Variants in TGFBR3 observed in about 807,000 individuals in gnomAD.
TGFBR3 encodes transforming growth factor beta receptor 3.
A neutral mutation model predicts 87.9 loss-of-function variants in TGFBR3; 46 were observed. The observed-to-expected ratio is 0.52, with a 90% CI of 0.41 to 0.67. TGFBR3 has a LOEUF of 0.67. Ranked by LOEUF, TGFBR3 falls within the 30% of genes least tolerant of loss-of-function variation. The pLI is 0.00. For missense variants in TGFBR3, 866 were observed against 1,041.9 expected (o/e 0.83, Z 2.32); for synonymous variants, 381 against 391.6 (o/e 0.97, Z 0.32).
At chr1:91,729,778 C>A (rs1223901074) in intron 6 of TGFBR3, 27 bp downstream of exon 6, 2 of 1,613,578 alleles carry the variant, frequency 1.2e-6, no homozygotes, top group African/African-American at 2.7e-5. Context: ...CATCTCTTGT[C>A]ACACTCACAC....
intron 7 of TGFBR3, among the ~76,000 whole-genome samples, chr1:91,725,202 A>G (rs550889484): frequency 6.6e-6 from 1 of 152,248 alleles, no homozygotes; most frequent in East Asian, 1.9e-4. Context: ...CCATTTTGCC[A>G]TCTGGAGGAC....
In TGFBR3 at chr1:91,683,339, T is replaced by G; in HGVS notation, c.*400A>C. The G allele has an allele frequency of 4.2e-6, 2 of 473,344 alleles. No individual in the cohort carries two copies. 29.3% of individuals were successfully genotyped at this position (473,344 alleles called of 1,614,324 possible). ...CCGCATCTCCTCACTGGTTCTACTATCTGGCTATTAACCCTTTACCAACTC... is the reference window on the plus strand; with the variant it reads ...CCGCATCTCCTCACTGGTTCTACTAGCTGGCTATTAACCCTTTACCAACTC... On this transcript the variant is annotated 3_prime_UTR_variant, in exon 17 of 17. Transcript: ENST00000212355.
intron 2 of TGFBR3, among the ~76,000 whole-genome samples, chr1:91,846,951 T>C (rs1353681497): frequency 1.3e-5 from 2 of 152,100 alleles, no homozygotes; most frequent in Non-Finnish European, 2.9e-5. Context: ...AGAAAAAATA[T>C]TGTTACATTC....
At chr1:91,868,080 G>A (rs1028165943) in intron 1 of TGFBR3, among the ~76,000 whole-genome samples, 6 of 152,130 alleles carry the variant, frequency 3.9e-5, no homozygotes, top group South Asian at 2.1e-4. Flanking sequence ...ACCACGCCTG[G>A]CTAATTTTTG....
At chr1:91,812,928 C>T in intron 2 of TGFBR3, among the ~76,000 whole-genome samples, 1 of 152,066 alleles carries the variant, frequency 6.6e-6, no homozygotes, top group East Asian at 1.9e-4. Context: ...TATAGTTTTG[C>T]CTATACTTTT....
At chr1:91,713,761 C>T (rs1220819952) in intron 12 of TGFBR3, among the ~76,000 whole-genome samples, 2 of 152,166 alleles carry the variant, frequency 1.3e-5, no homozygotes, top group Non-Finnish European at 2.9e-5. Context: ...ACTAACACTT[C>T]AGTATTTTTG....
chr1:91,793,488 A>ATTTTGAAAAATATT (rs1240306695), intron 3 of TGFBR3, among the ~76,000 whole-genome samples: 37 of 152,116 alleles, frequency 2.4e-4, no homozygotes, highest in Admixed American at 3.9e-4. Flanking sequence ...CACTTATTTC[A>ATTTTGAAAAATATT]TTTTGAAAAA....
intron 4 of TGFBR3, among the ~76,000 whole-genome samples, chr1:91,751,125 C>G (rs545217855): frequency 2.0e-5 from 3 of 152,044 alleles, no homozygotes; most frequent in Non-Finnish European, 2.9e-5. Flanking sequence ...ATACATAAAC[C>G]ATCATACCCG....
chr1:91,883,371 C>T (rs1353484620), intron 1 of TGFBR3, among the ~76,000 whole-genome samples: 1 of 152,088 alleles, frequency 6.6e-6, no homozygotes, highest in African/African-American at 2.4e-5. Context: ...GTCCAGCCAC[C>T]ATGGAGTTCT....
At chr1:91,897,358 A>C (rs1388802264) in intron 2 of TGFBR3, among the ~76,000 whole-genome samples, 2 of 152,206 alleles carry the variant, frequency 1.3e-5, no homozygotes, top group Non-Finnish European at 2.9e-5. Flanking sequence ...AGGTCTGAAA[A>C]GCATATTTGG....
chr1:91,712,461 T>G lies in TGFBR3; in HGVS notation c.1948A>C (p.Met650Leu). ...TTCTCAATAATGGTGTAATGAGACA[T>G]CCTATCAGGGTTCGAATATGGAGAG... ...FISPYSNPDR[M>L]SHYTIIENIC... The change falls in exon 13 of 17, where the codon ATG becomes CTG. Residue 650 changes from methionine to leucine, a missense_variant. By Grantham distance (15) the Met-to-Leu change is conservative. Coordinates refer to ENST00000212355, the MANE Select transcript of TGFBR3 (RefSeq NM_003243.5). The G allele has an allele frequency of 2.5e-6, 4 of 1,614,138 alleles. No homozygotes were observed. Among genetic ancestry groups the G allele is most frequent in the Non-Finnish European group, 3.4e-6 (4 of 1,179,968 alleles).
rs60115331 is a variant in TGFBR3, at chr1:91,800,702, C to CA, written c.62-3232dup. On this transcript the variant is annotated intron_variant, in intron 2 of 16. Coordinates refer to ENST00000212355, the MANE Select transcript of TGFBR3 (RefSeq NM_003243.5). The stretch of plus-strand genomic sequence containing the variant: ...TTAAACTATCCTTACACCAAAAAGA[C>CA]AAAAAAAAAAAATCAGGAATTATCT... 9.7e-3 allele frequency among the ~76,000 whole-genome samples: 1,310 copies of CA among 135,478 alleles called. 9 individuals carry two copies. Among genetic ancestry groups the CA allele is most frequent in the African/African-American group, 0.026 (976 of 36,896 alleles). 88.9% of individuals were successfully genotyped at this position (135,478 alleles called of 152,430 possible). A position where few individuals can be genotyped will look rare whatever the true frequency, so the allele number is the denominator to read the frequency against.
rs1258106554 is a variant in TGFBR3 at position 91,683,224 on chromosome 1, A to G, written c.*515T>C. The G allele has an allele frequency of 1.3e-5, 6 of 454,560 alleles. No homozygotes were observed. The highest frequency in any genetic ancestry group is 2.2e-5 in the Non-Finnish European group (5 of 226,880). 28.2% of individuals were successfully genotyped at this position (454,560 alleles called of 1,614,324 possible). A position where few individuals can be genotyped will look rare whatever the true frequency, so the allele number is the denominator to read the frequency against. ...AGCAAGGTCAGAAGTGTGCATCCAG[A>G]CAAAGGTGCAAATTAGACAGGAGGA... On this transcript the variant is annotated 3_prime_UTR_variant, in exon 17 of 17. Transcript: ENST00000212355.
chr1:91,689,776 T>C (rs1671208074), intron 16 of TGFBR3, among the ~76,000 whole-genome samples: 1 of 143,750 alleles, frequency 7.0e-6, no homozygotes, highest in Non-Finnish European at 1.5e-5. Flanking sequence ...GTTTTCTCGC[T>C]ACGTAAAAAG....
At chr1:91,848,780 G>T (rs1467915603) in intron 2 of TGFBR3, among the ~76,000 whole-genome samples, 1 of 152,096 alleles carries the variant, frequency 6.6e-6, no homozygotes, top group African/African-American at 2.4e-5. Flanking sequence ...CCTGAGAAAT[G>T]AAAAGAACAA....
rs1444849724 is a variant in TGFBR3, at chr1:91,680,437, C to T, written c.*3302G>A. The T allele has an allele frequency of 2.2e-6, 1 of 454,034 alleles. No individual in the cohort carries two copies. The highest frequency in any genetic ancestry group is 4.4e-6 in the Non-Finnish European group (1 of 226,772). The allele number at this position is 454,034 out of a possible 1,614,324, so 28.1% of individuals were successfully genotyped here. On this transcript the variant is annotated 3_prime_UTR_variant, in exon 17 of 17. Coordinates refer to ENST00000212355, the MANE Select transcript of TGFBR3 (RefSeq NM_003243.5). ...ACATCTAAGCATCTTCACAAAATAG[C>T]TGACACACTGAACAGAGAAAAGAAT...
chr1:91,890,531 T>TG (rs888683549), upstream of TGFBR3, among the ~76,000 whole-genome samples: 1 of 150,162 alleles, frequency 6.7e-6, no homozygotes, highest in African/African-American at 2.4e-5. Context: ...GTGATTCTTC[T>TG]GCCTCAGCTT....
chr1:91,800,330 ATGTGTGTGTG>A (rs371979320), intron 2 of TGFBR3, among the ~76,000 whole-genome samples: 2 of 136,218 alleles, frequency 1.5e-5, no homozygotes, highest in African/African-American at 2.9e-5. Context: ...ATATGTGTAT[ATGTGTGTGTG>A]TGTGTGTGTG....
intron 1 of TGFBR3, among the ~76,000 whole-genome samples, chr1:91,870,521 A>G (rs1263822875): frequency 3.3e-5 from 5 of 152,230 alleles, no homozygotes; most frequent in Non-Finnish European, 7.3e-5. Flanking sequence ...TCAAGTGTCT[A>G]TACCTTATTC....
Sources: gnomAD v4.1 joint callset for allele counts (sites outside exome capture counted in the v4.1 genomes callset) on GRCh38, gnomAD v4.1.1 for gene constraint, MANE v1.5 for transcripts, NCBI Gene and HGNC (gene_info 2026-07-23, HGNC 2026-07-21) for gene names.